Variants in PHKA1 observed in about 807,000 individuals in gnomAD.
The protein encoded by PHKA1 is phosphorylase kinase regulatory subunit alpha 1.
PHKA1 carries 60 observed loss-of-function variants against 110.2 expected under a neutral mutation model. The observed-to-expected ratio is 0.54, with a 90% CI of 0.44 to 0.68. PHKA1 has a LOEUF of 0.68. Among genes scored for constraint, PHKA1 ranks in the 30% least tolerant of loss-of-function variants. The pLI is 0.00. For missense variants in PHKA1, 801 were observed against 942.5 expected (o/e 0.85, Z 1.97); for synonymous variants, 316 against 333.6 (o/e 0.95, Z 0.58).
rs1481231411 is a variant in PHKA1, at chrX:72,580,773, T to C, written c.*229A>G. 1.2e-5 allele frequency: 5 copies of C among 433,693 alleles called. No individual in the cohort carries two copies. The highest frequency in any genetic ancestry group is 2.0e-5 in the Non-Finnish European group (5 of 248,877). 35.7% of individuals were successfully genotyped at this position (433,693 alleles called of 1,213,427 possible). On this transcript the variant is annotated 3_prime_UTR_variant, in exon 32 of 32. Coordinates refer to ENST00000373542, the MANE Select transcript of PHKA1 (RefSeq NM_002637.4). ...CAATCATGACAGGCCTGGCTGAGTG[T>C]TCATTATACTCATAAGATTGTCACT...
At chrX:72,610,907 T>C in intron 22 of PHKA1, 121 bp downstream of exon 22, 1 of 499,037 alleles carries the variant, frequency 2.0e-6, no homozygotes, top group Non-Finnish European at 3.4e-6. Flanking sequence ...TATCAAATTT[T>C]ATGTGGAAAA....
chrX:72,644,216 G>C, intron 14 of PHKA1, 146 bp downstream of exon 14: 2 of 632,522 alleles, frequency 3.2e-6, no homozygotes, highest in Non-Finnish European at 5.0e-6. Context: ...AATAGAGAAG[G>C]TAAGAAAATT....
chrX:72,587,236 C>T (rs782630593), intron 29 of PHKA1, among the ~76,000 whole-genome samples: 25 of 111,673 alleles, frequency 2.2e-4, no homozygotes, highest in Non-Finnish European at 4.1e-4. Context: ...GCTGATCTCT[C>T]GGCAGAAACT....
In PHKA1 at chrX:72,714,195, C is replaced by T; in HGVS notation, c.-315G>A. On this transcript the variant is annotated 5_prime_UTR_variant, in exon 1 of 32. Coordinates refer to ENST00000373542, the MANE Select transcript of PHKA1 (RefSeq NM_002637.4). ...GGCCTCCGCGTGTGACTCCTGCATC[C>T]TCCCCTCAACCCCGGGAGACCGCCG... 1 of 273,697 alleles carries T rather than the reference C, an allele frequency of 3.7e-6. No individual in the cohort carries two copies. Among genetic ancestry groups the T allele is most frequent in the African/African-American group, 2.8e-5 (1 of 36,333 alleles). 22.6% of individuals were successfully genotyped at this position (273,697 alleles called of 1,213,427 possible).
rs141499107 is a variant in PHKA1, at chrX:72,678,155, G to A, written c.538-2005C>T. Reference sequence around the variant, plus strand: ...TCATATTTTCCCCGCCATAGCCCTGGAATCAACCACTTTCATAAGAAGTCC... The same window carrying A: ...TCATATTTTCCCCGCCATAGCCCTGAAATCAACCACTTTCATAAGAAGTCC... On this transcript the variant is annotated intron_variant, in intron 5 of 31. Transcript: ENST00000373542. 3.7e-3 allele frequency among the ~76,000 whole-genome samples: 415 copies of A among 111,695 alleles called. 1 individual carries two copies. Among genetic ancestry groups the A allele is most frequent in the African/African-American group, 0.013 (403 of 30,781 alleles).
chrX:72,593,231 C>T lies in PHKA1; in HGVS notation c.3116G>A (p.Ser1039Asn), dbSNP rs1556228505. ...TTTAGATGACTGCTGATCATATGCA[C>T]TAGGAAAGGACCCACTACTTGGAGT... is the stretch of plus-strand genomic sequence containing the variant. ...SMTPSSGSFP[S>N]AYDQQSSKDS... The change falls in exon 29 of 32, where the codon AGT becomes AAT. Residue 1039 changes from serine (S) to asparagine (N), a missense_variant. By Grantham distance (46) the Ser-to-Asn change is conservative. This residue lies in a region of PHKA1 where 502 missense variants were observed against 519.2 expected (regional missense o/e 0.97). Transcript: ENST00000373542. 6 of 1,205,151 alleles carry T rather than the reference C, an allele frequency of 5.0e-6. No homozygotes were observed. The Middle Eastern group carries it at 9.2e-4, about 185-fold the overall frequency.
At chrX:72,595,233 C>T (rs970055744) in intron 28 of PHKA1, among the ~76,000 whole-genome samples, 11 of 111,138 alleles carry the variant, frequency 9.9e-5, no homozygotes. Context: ...TAACAAAATT[C>T]GACACACCTT....
intron 13 of PHKA1, among the ~76,000 whole-genome samples, chrX:72,648,511 A>G (rs1298669622): frequency 9.0e-6 from 1 of 111,715 alleles, no homozygotes; most frequent in Non-Finnish European, 1.9e-5. Context: ...GGCACTGTAA[A>G]CCTAGCTGAG....
chrX:72,584,629 G>A (rs782269342), intron 29 of PHKA1, among the ~76,000 whole-genome samples: 9 of 111,506 alleles, frequency 8.1e-5, no homozygotes, highest in South Asian at 7.6e-4. Flanking sequence ...ATACTAGGTC[G>A]CACGGCCATC....
chrX:72,663,327 C>CA lies in PHKA1; in HGVS notation c.864+2823dup, dbSNP rs113508626. On this transcript the variant is annotated intron_variant, in intron 8 of 31. Coordinates refer to ENST00000373542, the MANE Select transcript of PHKA1 (RefSeq NM_002637.4). ...GATCTTTTGAAATAAACCAGGCATACAAAAAAAAAACGAATAAAAAAGAAT... is the reference window on the plus strand; with the variant it reads ...GATCTTTTGAAATAAACCAGGCATACAAAAAAAAAAACGAATAAAAAAGAAT... Among the ~76,000 whole-genome samples, 268 of 98,817 alleles carry CA rather than the reference C, an allele frequency of 2.7e-3. 2 individuals carry two copies. The highest frequency in any genetic ancestry group is 7.5e-3 in the South Asian group (17 of 2,259). The allele number at this position is 98,817 out of a possible 115,157, so 85.8% of individuals were successfully genotyped here.
At chrX:72,664,336 G>A (rs1556305579) in intron 8 of PHKA1, among the ~76,000 whole-genome samples, 1 of 110,952 alleles carries the variant, frequency 9.0e-6, no homozygotes. Flanking sequence ...GACAAAGAAG[G>A]TCATTATATA....
chrX:72,635,372 T>TA (rs2053218372), intron 15 of PHKA1, 73 bp from the exon 16 acceptor site: 1 of 981,813 alleles, frequency 1.0e-6, no homozygotes, highest in Admixed American at 2.4e-5. Context: ...AAACTACTCA[T>TA]ATATTCAGAA....
chrX:72,684,471 A>C, intron 5 of PHKA1, 27 bp downstream of exon 5: 5 of 962,206 alleles, frequency 5.2e-6, no homozygotes, highest in Non-Finnish European at 7.5e-6. Context: ...TCATATGTCT[A>C]AAATCCATTC....
intron 5 of PHKA1, among the ~76,000 whole-genome samples, chrX:72,681,626 G>A (rs1271127244): frequency 2.4e-5 from 2 of 85,097 alleles, no homozygotes; most frequent in African/African-American, 4.4e-5. Context: ...ACTGGGAAGT[G>A]AGGAGCCCCT....
intron 16 of PHKA1, among the ~76,000 whole-genome samples, chrX:72,632,610 C>T (rs1488397690): frequency 9.0e-6 from 1 of 111,087 alleles, no homozygotes; most frequent in East Asian, 2.8e-4. Context: ...TATTTTTGCT[C>T]TTTTATGTAT....
intron 8 of PHKA1, among the ~76,000 whole-genome samples, chrX:72,658,475 A>G (rs1051258848): frequency 9.2e-6 from 1 of 109,275 alleles, no homozygotes; most frequent in African/African-American, 3.3e-5. Flanking sequence ...AAAAAAAAAA[A>G]AAACTTTGGT....
chrX:72,669,007 T>C (rs1332870791), intron 6 of PHKA1, among the ~76,000 whole-genome samples: 1 of 112,424 alleles, frequency 8.9e-6, no homozygotes, highest in Non-Finnish European at 1.9e-5. Context: ...ATAGCAGACA[T>C]TAAATGTGAA....
Position 72,656,259 on chromosome X carries a change from A to G in PHKA1, c.919-17T>C. 1 of 1,203,987 alleles carries G rather than the reference A, an allele frequency of 8.3e-7. No homozygotes were observed. The highest frequency in any genetic ancestry group is 1.1e-6 in the Non-Finnish European group (1 of 888,829). On this transcript the variant is annotated splice_polypyrimidine_tract_variant and intron_variant, in intron 9 of 31. Transcript: ENST00000373542. ...ATTGGGATCCTAGTAAAAACACAAT[A>G]AAGTCTGTCATCACTCAGAGGTTAG... is the stretch of plus-strand genomic sequence containing the variant.
At chrX:72,686,312 T>C (rs782234242) in intron 4 of PHKA1, among the ~76,000 whole-genome samples, 12 of 112,168 alleles carry the variant, frequency 1.1e-4, no homozygotes, top group South Asian at 7.4e-4. Flanking sequence ...CTGCCAAATC[T>C]CTCTGGAGAA....
Sources: gnomAD v4.1 joint callset for allele counts (sites outside exome capture counted in the v4.1 genomes callset) on GRCh38, gnomAD v4.1.1 for gene constraint, gnomAD v4.1.1 regional missense constraint, MANE v1.5 for transcripts, NCBI Gene and HGNC (gene_info 2026-07-23, HGNC 2026-07-21) for gene names.